SPTBN1: variants seen among roughly 807,000 people sequenced by gnomAD.
SPTBN1 encodes the protein spectrin beta chain, non-erythrocytic 1.
SPTBN1 carries 32 observed loss-of-function variants against 266.4 expected under a neutral mutation model. That is an observed-to-expected ratio of 0.12 (90% CI 0.09 to 0.16). The LOEUF is 0.16. Among genes scored for constraint, SPTBN1 ranks in the 10% least tolerant of loss-of-function variants. SPTBN1 has a pLI of 1.00. For missense variants in SPTBN1, 2,296 were observed against 3,067.1 expected (o/e 0.75, Z 5.94); for synonymous variants, 1,336 against 1,162.2 (o/e 1.15, Z -3.04).
intron 18 of SPTBN1, among the ~76,000 whole-genome samples, chr2:54,640,830 G>C (rs756768343): frequency 6.6e-6 from 1 of 152,248 alleles, no homozygotes; most frequent in Non-Finnish European, 1.5e-5. Flanking sequence ...GGGATTACAG[G>C]TGTGGGCCAC....
At chr2:54,475,670 T>C (rs534330112) in intron 1 of SPTBN1, among the ~76,000 whole-genome samples, 1 of 152,310 alleles carries the variant, frequency 6.6e-6, no homozygotes, top group Non-Finnish European at 1.5e-5. Context: ...CTTGGAGTAA[T>C]GAAACTCAAA....
intron 3 of SPTBN1, among the ~76,000 whole-genome samples, chr2:54,604,120 C>G (rs561157932): frequency 6.6e-6 from 1 of 152,322 alleles, no homozygotes; most frequent in Admixed American, 6.5e-5. Context: ...TCATTGGCCT[C>G]TCTCAGTGCC....
chr2:54,604,605 C>A (rs1676714805), intron 3 of SPTBN1, among the ~76,000 whole-genome samples: 1 of 152,108 alleles, frequency 6.6e-6, no homozygotes, highest in African/African-American at 2.4e-5. Flanking sequence ...AGGGCCTGGA[C>A]TGGACTCTAA....
At chr2:54,657,756 C>A in intron 29 of SPTBN1, 94 bp from the exon 30 acceptor site, 2 of 1,420,334 alleles carry the variant, frequency 1.4e-6, no homozygotes, top group Non-Finnish European at 2.0e-6. Context: ...ATGCAGGTAG[C>A]CATCACCAGA....
intron 32 of SPTBN1, chr2:54,663,989 C>T (rs13414727): frequency 0.11 from 17,222 of 153,018 alleles, 3,258 homozygotes; most frequent in African/African-American, 0.39. Context: ...GGGGGAATGC[C>T]ATGTAGCTCT....
Position 54,637,800 on chromosome 2 carries a change from A to G in SPTBN1, c.3855A>G (p.Gln1285=), listed in dbSNP as rs1679252938. 1.2e-6 allele frequency: 2 copies of G among 1,613,412 alleles called. No homozygotes were observed. The highest frequency in any genetic ancestry group is 1.3e-5 in the African/African-American group (1 of 74,920). ...TACAGAAATTCCTGCAAGATTGTCA[A>G]GAGGTATGTTACTCTTTAATCCCTC... ...RDLQKFLQDC[Q]ELSLWINEKM... The change falls in exon 18 of 36, where the codon CAA becomes CAG. Residue 1285 remains glutamine, a synonymous_variant. Transcript: ENST00000356805.
intron 1 of SPTBN1, chr2:54,520,601 C>A (rs1670377089): frequency 1.3e-5 from 2 of 152,064 alleles, no homozygotes; most frequent in South Asian, 4.1e-4. Context: ...GGGGGAGGAT[C>A]TTGGCTTTTC....
At chr2:54,559,746 G>A (rs1456295001) in intron 2 of SPTBN1, among the ~76,000 whole-genome samples, 1 of 152,176 alleles carries the variant, frequency 6.6e-6, no homozygotes, top group East Asian at 1.9e-4. Context: ...GAAGCCCCTG[G>A]AGTCAGTAGT....
rs775071498 is a variant in SPTBN1 at position 54,631,080 on chromosome 2, G to A, written c.3033G>A (p.Lys1011=). Residue 1011 remains lysine, a synonymous_variant, in exon 16 of 36, where the codon AAG becomes AAA. Transcript: ENST00000356805. ...MERDLVAIEA[K]LSDLQKEAEK... ...GGGACTTGGTGGCCATTGAGGCAAA[G>A]CTGAGTGACCTGCAGAAGGAGGCGG... is the stretch of plus-strand genomic sequence containing the variant. 1 of 1,614,018 alleles carries A rather than the reference G, an allele frequency of 6.2e-7. No individual in the cohort carries two copies. The highest frequency in any genetic ancestry group is 1.3e-5 in the African/African-American group (1 of 74,954).
In SPTBN1 at chr2:54,660,574, C is replaced by A. The variant is rs1369131125; in HGVS notation, c.6420+575C>A. 3.0e-6 allele frequency: 3 copies of A among 985,398 alleles called. No homozygotes were observed. The African/African-American group carries it at 5.2e-5, about 17-fold the overall frequency. 61.0% of individuals were successfully genotyped at this position (985,398 alleles called of 1,614,324 possible). On this transcript the variant is annotated intron_variant, in intron 32 of 35. Transcript: ENST00000356805. ...ACCTAAAGTCAGCTGTGTAACATTC[C>A]ATGAAAGATGCATTCATTTATTGAA... is the stretch of plus-strand genomic sequence containing the variant.
At chr2:54,509,956 CTTTTT>C (rs5831312) in intron 1 of SPTBN1, among the ~76,000 whole-genome samples, 2 of 131,632 alleles carry the variant, frequency 1.5e-5, no homozygotes, top group African/African-American at 2.8e-5. Context: ...TGCTTTCTTT[CTTTTT>C]TTTTTTTTTT....
At chr2:54,651,451 C>T (rs371840656) in intron 26 of SPTBN1, among the ~76,000 whole-genome samples, 38 of 152,186 alleles carry the variant, frequency 2.5e-4, no homozygotes, top group African/African-American at 8.7e-4. Flanking sequence ...CACAGAATAA[C>T]AGAGCAAAAG....
At chr2:54,538,769 C>T (rs866853112) in intron 2 of SPTBN1, among the ~76,000 whole-genome samples, 21 of 152,148 alleles carry the variant, frequency 1.4e-4, no homozygotes, top group South Asian at 4.1e-4. Context: ...TTTCTGCAGA[C>T]GCCTTAGACT....
At position 54,492,338 on chromosome 2, in the gene SPTBN1, G is replaced by GGTTTTTTTTTTTTTTTTTTTTTTT. The variant is rs1558775035; in HGVS notation, c.-47-34034_-47-34033insGTTTTTTTTTTTTTTTTTTTTTTT. ...TTACTGGACATTTAGTTTGTCTGCA[G>GGTTTTTTTTTTTTTTTTTTTTTTT]TTGTTTTTTTGTTTTTTTTTTTTTT... On this transcript the variant is annotated intron_variant, in intron 1 of 35. Transcript: ENST00000356805. Among the ~76,000 whole-genome samples the GGTTTTTTTTTTTTTTTTTTTTTTT allele has an allele frequency of 3.4e-5, 4 of 118,112 alleles. 1 individual carries two copies. The highest frequency in any genetic ancestry group is 2.5e-4 in the South Asian group (1 of 3,948). 77.5% of individuals were successfully genotyped at this position (118,112 alleles called of 152,430 possible).
At chr2:54,483,886 G>A (rs1361425453) in intron 1 of SPTBN1, among the ~76,000 whole-genome samples, 1 of 152,150 alleles carries the variant, frequency 6.6e-6, no homozygotes, top group Non-Finnish European at 1.5e-5. Flanking sequence ...TGTTCTTGAC[G>A]GGGTTGTATC....
At chr2:54,527,502 C>G (rs933678971) in intron 2 of SPTBN1, 15 of 152,154 alleles carry the variant, frequency 9.9e-5, no homozygotes, top group African/African-American at 3.6e-4. Flanking sequence ...GGAAACCTAA[C>G]CCAGAGTGGT....
rs765079903 is a variant in SPTBN1, at chr2:54,645,930, G to A, written c.4497G>A (p.Leu1499=). The A allele has an allele frequency of 1.2e-6, 2 of 1,614,188 alleles. No individual in the cohort carries two copies. Among genetic ancestry groups the A allele is most frequent in the South Asian group, 2.2e-5 (2 of 91,082 alleles). ...CACTTATTTAAAATTCTTCCCAGTT[G>A]TGGGTTGGAGAGAGGATGCCTTTGG... The part of the protein sequence containing the change: ...QFNRDVEDEI[L]WVGERMPLAT... Residue 1499 remains leucine, a splice_region_variant and synonymous_variant, in exon 22 of 36, where the codon TTG becomes TTA. Coordinates refer to ENST00000356805, the MANE Select transcript of SPTBN1 (RefSeq NM_003128.3). This position sits in a 1 kb window ranked among gnomAD's most constrained non-coding sequence, Gnocchi z 4.3.
intron 2 of SPTBN1, among the ~76,000 whole-genome samples, chr2:54,536,932 C>T (rs988614783): frequency 1.3e-5 from 2 of 152,180 alleles, no homozygotes; most frequent in African/African-American, 2.4e-5. Context: ...ACTTGTGAGG[C>T]TGAGGTGGGA....
chr2:54,631,748 T>C (rs559775433), intron 16 of SPTBN1, 137 bp downstream of exon 16: 102 of 1,154,024 alleles, frequency 8.8e-5, no homozygotes, highest in African/African-American at 3.5e-4. Flanking sequence ...GATTTTTTTT[T>C]CCCCATACTC....
Sources: gnomAD v4.1 joint callset for allele counts (sites outside exome capture counted in the v4.1 genomes callset) on GRCh38, gnomAD v4.1.1 for gene constraint, Gnocchi (gnomAD v3.1) non-coding constraint, MANE v1.5 for transcripts, NCBI Gene and HGNC (gene_info 2026-07-23, HGNC 2026-07-21) for gene names.